Variants in MACROD2 observed in about 807,000 individuals in gnomAD.
MACROD2 encodes the protein mono-ADP ribosylhydrolase 2.
MACROD2 carries 36 observed loss-of-function variants against 70.4 expected under a neutral mutation model. The ratio of observed to expected loss-of-function variants is 0.51; its 90% CI spans 0.39 to 0.68. MACROD2 has a LOEUF of 0.68. MACROD2 is among the 30% of genes least tolerant of loss of function. MACROD2 has a pLI of 0.00. For missense variants in MACROD2, 496 were observed against 538.4 expected, an observed-to-expected ratio of 0.92 and a Z score of 0.78; for synonymous variants, 172 against 178.8, an observed-to-expected ratio of 0.96 and a Z score of 0.30.
intron 5 of MACROD2, among the ~76,000 whole-genome samples, chr20:14,954,360 G>A (rs2074500479): frequency 1.3e-5 from 2 of 151,086 alleles, no homozygotes; most frequent in Non-Finnish European, 2.9e-5. Context: ...AAAACTAATT[G>A]TAGTAAAATG....
At chr20:14,540,274 G>A (rs929171826) in intron 4 of MACROD2, among the ~76,000 whole-genome samples, 5 of 152,062 alleles carry the variant, frequency 3.3e-5, no homozygotes, top group Admixed American at 2.0e-4. Context: ...TCCCCAGATG[G>A]TTTTTTACCA....
chr20:14,517,692 A>G (rs1398814469), intron 4 of MACROD2, among the ~76,000 whole-genome samples: 2 of 152,144 alleles, frequency 1.3e-5, no homozygotes, highest in African/African-American at 4.8e-5. Context: ...ATAGCAGAAA[A>G]GTTTAATTTG....
intron 5 of MACROD2, among the ~76,000 whole-genome samples, chr20:15,054,124 T>C (rs1568551391): frequency 1.3e-5 from 2 of 152,178 alleles, no homozygotes; most frequent in African/African-American, 4.8e-5. Flanking sequence ...TGAGATGGAA[T>C]CTGCTCCTGA....
intron 5 of MACROD2, among the ~76,000 whole-genome samples, chr20:14,997,296 C>T (rs1424550453): frequency 6.6e-6 from 1 of 152,178 alleles, no homozygotes; most frequent in East Asian, 1.9e-4. Flanking sequence ...ACTTCTAGAT[C>T]TACCCTGGGC....
intron 10 of MACROD2, among the ~76,000 whole-genome samples, chr20:15,889,207 G>A (rs2064858610): frequency 6.6e-6 from 1 of 152,156 alleles, no homozygotes; most frequent in Non-Finnish European, 1.5e-5. Context: ...TCCAAAGCAT[G>A]AGGTCAATGA....
chr20:15,246,347 T>C (rs2077105785), intron 6 of MACROD2, among the ~76,000 whole-genome samples: 1 of 151,978 alleles, frequency 6.6e-6, no homozygotes, highest in Non-Finnish European at 1.5e-5. Flanking sequence ...CAAACCTGAG[T>C]TTTTTAGGGG....
chr20:15,371,124 T>C (rs1216690544), intron 6 of MACROD2, among the ~76,000 whole-genome samples: 2 of 152,122 alleles, frequency 1.3e-5, no homozygotes, highest in Non-Finnish European at 2.9e-5. Flanking sequence ...CATAAGTCAC[T>C]GAAAATAGAA....
At chr20:15,403,943 A>AG (rs2045964177) in intron 6 of MACROD2, among the ~76,000 whole-genome samples, 2 of 152,220 alleles carry the variant, frequency 1.3e-5, no homozygotes, top group African/African-American at 2.4e-5. Flanking sequence ...GAATGTATAA[A>AG]GCAATAGAGC....
intron 12 of MACROD2, among the ~76,000 whole-genome samples, chr20:15,965,768 G>A (rs1329758143): frequency 6.6e-6 from 1 of 151,880 alleles, no homozygotes; most frequent in Admixed American, 6.6e-5. Context: ...TATTTTAATG[G>A]GAGCTGGTTT....
At chr20:14,221,454 C>T (rs1021217641) in intron 3 of MACROD2, among the ~76,000 whole-genome samples, 1 of 152,002 alleles carries the variant, frequency 6.6e-6, no homozygotes, top group East Asian at 1.9e-4. Flanking sequence ...AAACTGGATC[C>T]CTATCTCTCA....
At chr20:15,595,883 G>A (rs904218585) in intron 8 of MACROD2, among the ~76,000 whole-genome samples, 2 of 152,134 alleles carry the variant, frequency 1.3e-5, no homozygotes, top group Non-Finnish European at 1.5e-5. Context: ...CTATGCCAAC[G>A]TAATAGCCTA....
rs972988553 is a variant in MACROD2 at position 14,159,776 on chromosome 20, G to A, written c.271+74048G>A. The stretch of plus-strand genomic sequence containing the variant: ...CAGTATTGTGTTAAATGGGAGTGGT[G>A]AAGTGGACATCCTTGTCTTGTTCTA... On this transcript the variant is annotated intron_variant, in intron 3 of 17. Transcript: ENST00000684519. 2.6e-5 allele frequency among the ~76,000 whole-genome samples: 4 copies of A among 152,278 alleles called. 1 individual carries two copies. In the South Asian group the frequency reaches 8.3e-4, roughly 32 times the overall value.
intron 6 of MACROD2, among the ~76,000 whole-genome samples, chr20:15,386,031 A>T (rs999493517): frequency 3.3e-5 from 5 of 152,310 alleles, no homozygotes; most frequent in African/African-American, 1.2e-4. Context: ...TCAGTCTCAC[A>T]TTGACAACGA....
intron 4 of MACROD2, among the ~76,000 whole-genome samples, chr20:14,596,115 G>T (rs6042807): frequency 0.47 from 71,488 of 150,986 alleles, 18,408 homozygotes; most frequent in African/African-American, 0.69. Context: ...AGACGGAGTC[G>T]CCCTCTGTGG....
At chr20:14,935,152 C>T (rs1225175579) in intron 5 of MACROD2, 2 of 152,076 alleles carry the variant, frequency 1.3e-5, no homozygotes, top group African/African-American at 4.8e-5. Flanking sequence ...CACACACACG[C>T]ACGCACACCT....
chr20:15,162,144 C>T (rs396513), intron 5 of MACROD2, among the ~76,000 whole-genome samples: 78,288 of 151,838 alleles, frequency 0.52, 20,282 homozygotes, highest in East Asian at 0.56. Flanking sequence ...TAATAACGGA[C>T]ATTTGAATGA....
At chr20:15,183,618 A>G (rs1226412449) in intron 5 of MACROD2, among the ~76,000 whole-genome samples, 1 of 152,190 alleles carries the variant, frequency 6.6e-6, no homozygotes, top group East Asian at 1.9e-4. Flanking sequence ...TCTTTCTGAA[A>G]TAATTATCTT....
chr20:15,259,216 T>C (rs566795948), intron 6 of MACROD2, among the ~76,000 whole-genome samples: 2 of 151,968 alleles, frequency 1.3e-5, no homozygotes, highest in South Asian at 4.1e-4. Flanking sequence ...TTAGGAGCAA[T>C]AGCATATGAG....
chr20:14,837,815 A>C (rs767519733), intron 5 of MACROD2, among the ~76,000 whole-genome samples: 1 of 151,996 alleles, frequency 6.6e-6, no homozygotes, highest in Non-Finnish European at 1.5e-5. Context: ...AGTGTTTTGC[A>C]TATACTAAAA....
Sources: gnomAD v4.1 joint callset for allele counts (sites outside exome capture counted in the v4.1 genomes callset) on GRCh38, gnomAD v4.1.1 for gene constraint, MANE v1.5 for transcripts, NCBI Gene and HGNC (gene_info 2026-07-23, HGNC 2026-07-21) for gene names.